Variants in GKAP1 observed in about 807,000 individuals in gnomAD.
GKAP1 encodes the protein G kinase-anchoring protein 1.
A neutral mutation model predicts 56.7 loss-of-function variants in GKAP1; 31 were observed. That is an observed-to-expected ratio of 0.55 (90% CI 0.41 to 0.74). The LOEUF (loss-of-function observed/expected upper bound fraction) is 0.74. GKAP1 is among the 30% of genes least tolerant of loss of function. The probability of loss-of-function intolerance (pLI) is 0.00; values close to 1 mark genes in which losing one functional copy is unlikely to be tolerated. For synonymous variants in GKAP1, 151 were observed against 138.6 expected (o/e 1.09, Z -0.63); for missense variants, 364 against 402.3 (o/e 0.90, Z 0.82).
In GKAP1 at chr9:83,815,573, A is replaced by AACACACAC. The variant is rs377376142; in HGVS notation, c.-44+1415_-44+1422dup. 1.4e-3 allele frequency among the ~76,000 whole-genome samples: 210 copies of AACACACAC among 149,412 alleles called. 1 individual carries two copies. The highest frequency in any genetic ancestry group is 4.7e-3 in the African/African-American group (193 of 40,698). On this transcript the variant is annotated intron_variant, in intron 2 of 12. Coordinates refer to ENST00000376371, the MANE Select transcript of GKAP1 (RefSeq NM_025211.4). ...AGACCACAATTAGGGAACTTCAGAA[A>AACACACAC]ACACACACACACACACACACACACA...
chr9:83,799,957 C>A (rs907101239), intron 3 of GKAP1, among the ~76,000 whole-genome samples: 1 of 151,686 alleles, frequency 6.6e-6, no homozygotes, highest in Non-Finnish European at 1.5e-5. Flanking sequence ...AGAGTGAGAC[C>A]CTGTCTCAAA....
rs918527296 is a variant in GKAP1, at chr9:83,803,348, C to T, written c.216+2954G>A. 4.9e-3 allele frequency among the ~76,000 whole-genome samples: 742 copies of T among 152,054 alleles called. 5 individuals are homozygous for T. Among genetic ancestry groups the T allele is most frequent in the African/African-American group, 0.017 (713 of 41,524 alleles). On this transcript the variant is annotated intron_variant, in intron 3 of 12. Coordinates refer to ENST00000376371, the MANE Select transcript of GKAP1 (RefSeq NM_025211.4). ...CTGCCATCTCGGCTCACTGCAACCTCCCTGCCTGATTCTCCTGCCTCAGCC... is the reference window on the plus strand; with the variant it reads ...CTGCCATCTCGGCTCACTGCAACCTTCCTGCCTGATTCTCCTGCCTCAGCC...
At chr9:83,754,450 T>C (rs1330563540) in intron 8 of GKAP1, among the ~76,000 whole-genome samples, 1 of 152,186 alleles carries the variant, frequency 6.6e-6, no homozygotes, top group Non-Finnish European at 1.5e-5. Context: ...GAGTACACCA[T>C]GGTGAACAGA....
In GKAP1 at chr9:83,781,846, C is replaced by CTTT. The variant is rs147452137; in HGVS notation, c.563-1445_563-1443dup. Among the ~76,000 whole-genome samples the CTTT allele has an allele frequency of 2.7e-3, 370 of 138,018 alleles. 11 individuals carry two copies. Among genetic ancestry groups the CTTT allele is most frequent in the South Asian group, 0.011 (50 of 4,442 alleles). The allele number at this position is 138,018 out of a possible 152,430, so 90.5% of individuals were successfully genotyped here. On this transcript the variant is annotated intron_variant, in intron 6 of 12. Transcript: ENST00000376371. ...TAGTTTTTAATAAAATGTATTTCTT[C>CTTT]TTTTTTTTTTTTTTTGAGATGGAGT... is the stretch of plus-strand genomic sequence containing the variant.
intron 10 of GKAP1, among the ~76,000 whole-genome samples, chr9:83,744,466 C>CTA (rs1404043066): frequency 3.3e-5 from 5 of 152,206 alleles, no homozygotes; most frequent in Non-Finnish European, 5.9e-5. Flanking sequence ...AACACACAAG[C>CTA]TATAACCCTT....
chr9:83,770,561 GCTTT>G (rs765036991), intron 7 of GKAP1, among the ~76,000 whole-genome samples: 7 of 150,940 alleles, frequency 4.6e-5, no homozygotes, highest in Non-Finnish European at 8.9e-5. Flanking sequence ...CGTTTACACT[GCTTT>G]TTTTTTTTTG....
At chr9:83,779,526 T>C (rs1359500326) in intron 7 of GKAP1, among the ~76,000 whole-genome samples, 2 of 122,544 alleles carry the variant, frequency 1.6e-5, no homozygotes, top group East Asian at 2.4e-4. Context: ...TATATACACG[T>C]GTATATGTGT....
chr9:83,817,324 T>G (rs1479509387), intron 1 of GKAP1, 193 bp downstream of exon 1: 2 of 151,662 alleles, frequency 1.3e-5, no homozygotes, highest in Non-Finnish European at 2.9e-5. Context: ...GCCCCGAGCC[T>G]TGCGCCGAGC....
rs188674157 is a variant in GKAP1 at position 83,760,548 on chromosome 9, G to C, written c.739-7189C>G. ...TAGATATTGACAGAACTTTTCATCT[G>C]ACAGCTGCAGAATACACATTCTTTT... On this transcript the variant is annotated intron_variant, in intron 8 of 12. Transcript: ENST00000376371. Among the ~76,000 whole-genome samples, 561 of 152,122 alleles carry C rather than the reference G, an allele frequency of 3.7e-3. 9 individuals carry two copies. Among genetic ancestry groups the C allele is most frequent in the African/African-American group, 0.013 (526 of 41,518 alleles).
At chr9:83,799,147 C>A in intron 4 of GKAP1, 38 bp downstream of exon 4, 1 of 1,589,844 alleles carries the variant, frequency 6.3e-7, no homozygotes, top group South Asian at 1.1e-5. Flanking sequence ...TCCATAAATT[C>A]AATGAAAAAC....
intron 7 of GKAP1, among the ~76,000 whole-genome samples, chr9:83,773,617 C>T (rs1943800710): frequency 6.6e-6 from 1 of 152,150 alleles, no homozygotes. Context: ...ATACTCTTCC[C>T]TTAGTCTCAT....
At chr9:83,794,204 A>G (rs1221001168) in intron 4 of GKAP1, among the ~76,000 whole-genome samples, 1 of 152,122 alleles carries the variant, frequency 6.6e-6, no homozygotes, top group Non-Finnish European at 1.5e-5. Context: ...GAGAGAAAGA[A>G]ACTTGGTGAG....
At chr9:83,761,323 A>G (rs1000337957) in intron 8 of GKAP1, among the ~76,000 whole-genome samples, 1 of 152,124 alleles carries the variant, frequency 6.6e-6, no homozygotes, top group Non-Finnish European at 1.5e-5. Context: ...TGGAAAATCT[A>G]GAGAAAATGG....
intron 4 of GKAP1, among the ~76,000 whole-genome samples, chr9:83,797,953 G>GA (rs562812489): frequency 3.3e-5 from 5 of 151,718 alleles, no homozygotes; most frequent in South Asian, 4.2e-4. Flanking sequence ...TATTTTATAA[G>GA]AAAAAAAAGA....
At chr9:83,746,910 GCTGA>G (rs1383633518) in intron 10 of GKAP1, among the ~76,000 whole-genome samples, 3 of 152,166 alleles carry the variant, frequency 2.0e-5, no homozygotes, top group African/African-American at 7.2e-5. Flanking sequence ...GATATGGAGG[GCTGA>G]CTATATCTTC....
chr9:83,784,954 C>A (rs762521344), intron 5 of GKAP1, 116 bp from the exon 6 acceptor site: 141 of 796,630 alleles, frequency 1.8e-4, no homozygotes, highest in Middle Eastern at 3.1e-4. Context: ...AAATAAAAAA[C>A]CAAAATTTAG....
In GKAP1 at chr9:83,780,387, T is replaced by C; in HGVS notation, c.580A>G (p.Thr194Ala). ...FHSEDHISKK[T>A]EELSSSQTLS... ...ATGGCTACAATAAGACTTACCTCAG[T>C]CTTTTTACTAATGTGATCTGTAAAT... The change falls in exon 7 of 13, where the codon ACT (threonine) becomes GCT (alanine). Residue 194 changes from threonine to alanine, a missense_variant. Physicochemically the swap from Thr to Ala is moderately conservative, Grantham distance 58 (BLOSUM62 0). Transcript: ENST00000376371. 1 of 1,400,270 alleles carries C rather than the reference T, an allele frequency of 7.1e-7. No homozygotes were observed. The highest frequency in any genetic ancestry group is 9.8e-7 in the Non-Finnish European group (1 of 1,018,786). 86.7% of individuals were successfully genotyped at this position (1,400,270 alleles called of 1,614,324 possible). A position where few individuals can be genotyped will look rare whatever the true frequency, so the allele number is the denominator to read the frequency against.
chr9:83,742,607 A>G lies in GKAP1; in HGVS notation c.905-7T>C, dbSNP rs1291299289. The G allele has an allele frequency of 6.2e-7, 1 of 1,605,892 alleles. No homozygotes were observed. The highest frequency in any genetic ancestry group is 2.2e-5 in the East Asian group (1 of 44,764). On this transcript the variant is annotated splice_polypyrimidine_tract_variant and splice_region_variant and intron_variant, in intron 10 of 12. Transcript: ENST00000376371. Reference sequence around the variant, plus strand: ...ATTTCTGCCTTATCTTTCACTGACAAAAAAGGAAAAACAGCAGTATAGATT... The same window carrying G: ...ATTTCTGCCTTATCTTTCACTGACAGAAAAGGAAAAACAGCAGTATAGATT...
At position 83,780,386 on chromosome 9, in the gene GKAP1, G is replaced by T; in HGVS notation, c.581C>A (p.Thr194Asn). Residue 194 changes from threonine to asparagine, a missense_variant, in exon 7 of 13, where the codon ACT (threonine) becomes AAT (asparagine). Transcript: ENST00000376371. ...FHSEDHISKK[T>N]EELSSSQTLS... ...GATGGCTACAATAAGACTTACCTCAGTCTTTTTACTAATGTGATCTGTAAA... is the reference window on the plus strand; with the variant it reads ...GATGGCTACAATAAGACTTACCTCATTCTTTTTACTAATGTGATCTGTAAA... 8.3e-7 allele frequency: 1 copy of T among 1,205,578 alleles called. No homozygotes were observed. Among genetic ancestry groups the T allele is most frequent in the Non-Finnish European group, 1.1e-6 (1 of 896,726 alleles). The allele number at this position is 1,205,578 out of a possible 1,614,324, so 74.7% of individuals were successfully genotyped here. A position where few individuals can be genotyped will look rare whatever the true frequency, so the allele number is the denominator to read the frequency against.
Sources: gnomAD v4.1 joint callset for allele counts (sites outside exome capture counted in the v4.1 genomes callset) on GRCh38, gnomAD v4.1.1 for gene constraint, MANE v1.5 for transcripts, NCBI Gene and HGNC (gene_info 2026-07-23, HGNC 2026-07-21) for gene names.